SLC16A6: variants seen among roughly 807,000 people sequenced by gnomAD.
SLC16A6 encodes the protein solute carrier family 16 member 6.
In SLC16A6, 15 loss-of-function variants were observed where a neutral mutation model predicts 33.8. That is an observed-to-expected ratio of 0.44 (90% confidence interval 0.30 to 0.68). SLC16A6 has a LOEUF of 0.68. Ranked by LOEUF, SLC16A6 falls within the 30% of genes least tolerant of loss-of-function variation. The probability of loss-of-function intolerance (pLI) is 0.10; values close to 1 mark genes in which losing one functional copy is unlikely to be tolerated. For missense variants in SLC16A6, 451 were observed against 661.5 expected (o/e 0.68, Z 3.49); for synonymous variants, 219 against 248.4 (o/e 0.88, Z 1.11).
rs1555747096 is a variant in SLC16A6, at chr17:68,268,473, TG to T, written c.*622del. ...AAAATTTGTTTATTAGTAAAATGTT[TG>T]GTCTTAAACTATATTTCATTTCCAG... On this transcript the variant is annotated 3_prime_UTR_variant, in exon 6 of 6. Transcript: ENST00000580666. 2 of 152,490 alleles carry T rather than the reference TG, an allele frequency of 1.3e-5. No individual in the cohort carries two copies. The highest frequency in any genetic ancestry group is 2.9e-5 in the Non-Finnish European group (2 of 68,052). 9.4% of individuals were successfully genotyped at this position (152,490 alleles called of 1,614,324 possible).
At position 68,268,868 on chromosome 17, in the gene SLC16A6, T is replaced by C; in HGVS notation, c.*228A>G. 1.4e-6 allele frequency: 1 copy of C among 727,478 alleles called. No individual in the cohort carries two copies. Among genetic ancestry groups the C allele is most frequent in the South Asian group, 2.0e-5 (1 of 51,202 alleles). 45.1% of individuals were successfully genotyped at this position (727,478 alleles called of 1,614,324 possible). A position where few individuals can be genotyped will look rare whatever the true frequency, so the allele number is the denominator to read the frequency against. ...GCCAGATTTATATATGGAAGAGTGC[T>C]TGGTTGTTTTTTGTTTTGGCTTTAA... On this transcript the variant is annotated 3_prime_UTR_variant, in exon 6 of 6. Transcript: ENST00000580666.
intron 2 of SLC16A6, 96 bp downstream of exon 2, chr17:68,277,993 T>TG: frequency 1.3e-6 from 1 of 775,240 alleles, no homozygotes; most frequent in Non-Finnish European, 2.1e-6. Context: ...TATAAGGGAA[T>TG]GAAAGCATCA....
chr17:68,282,799 A>C (rs1483167205), intron 1 of SLC16A6, among the ~76,000 whole-genome samples: 1 of 148,322 alleles, frequency 6.7e-6, no homozygotes, highest in Non-Finnish European at 1.5e-5. Flanking sequence ...AAAAAAAAAA[A>C]AGGCCAGGTG....
chr17:68,288,735 T>C (rs2075899379), intron 1 of SLC16A6, among the ~76,000 whole-genome samples: 1 of 152,214 alleles, frequency 6.6e-6, no homozygotes, highest in Non-Finnish European at 1.5e-5. Context: ...CTAAGCCCTT[T>C]GAAGGCAAGG....
chr17:68,284,160 G>A (rs1555753747), intron 1 of SLC16A6, among the ~76,000 whole-genome samples: 1 of 151,244 alleles, frequency 6.6e-6, no homozygotes, highest in African/African-American at 2.4e-5. Flanking sequence ...TAATCCTTTG[G>A]GAGGCCAAGG....
intron 1 of SLC16A6, among the ~76,000 whole-genome samples, chr17:68,282,779 T>TAAAAGAAAAAAAAAAAAAA (rs2075734221): frequency 1.9e-5 from 1 of 53,398 alleles, no homozygotes; most frequent in African/African-American, 9.3e-5. Flanking sequence ...CCATCTCTAC[T>TAAAAGAAAAAAAAAAAAAA]AAAAAAAAAA....
In SLC16A6 at chr17:68,268,914, CT is replaced by C; in HGVS notation, c.*181del. 8 of 1,380,460 alleles carry C rather than the reference CT, an allele frequency of 5.8e-6. No homozygotes were observed. Among genetic ancestry groups the C allele is most frequent in the Non-Finnish European group, 6.8e-6 (7 of 1,032,006 alleles). The allele number at this position is 1,380,460 out of a possible 1,614,324, so 85.5% of individuals were successfully genotyped here. A position where few individuals can be genotyped will look rare whatever the true frequency, so the allele number is the denominator to read the frequency against. On this transcript the variant is annotated 3_prime_UTR_variant, in exon 6 of 6. Coordinates refer to ENST00000580666, the MANE Select transcript of SLC16A6 (RefSeq NM_004694.5). ...TTTAAAAACAAGCAAAAAAAAAAAG[CT>C]TAAAACAAAACAAAACAAAACAAAA...
At position 68,268,800 on chromosome 17, in the gene SLC16A6, C is replaced by G; in HGVS notation, c.*296G>C. On this transcript the variant is annotated 3_prime_UTR_variant, in exon 6 of 6. Coordinates refer to ENST00000580666, the MANE Select transcript of SLC16A6 (RefSeq NM_004694.5). ...ACTATTTTAATATCGGAATGTGAAC[C>G]AAAGAGTCTTTCTACATATCTCTTG... The G allele has an allele frequency of 2.8e-6, 1 of 352,484 alleles. No individual in the cohort carries two copies. The highest frequency in any genetic ancestry group is 4.5e-5 in the Admixed American group (1 of 22,140). 21.8% of individuals were successfully genotyped at this position (352,484 alleles called of 1,614,324 possible).
chr17:68,280,262 CA>C (rs1555752267), intron 1 of SLC16A6, among the ~76,000 whole-genome samples: 2 of 149,160 alleles, frequency 1.3e-5, no homozygotes, highest in Non-Finnish European at 3.0e-5. Context: ...ATACCAATGA[CA>C]TTCTTCACAG....
At chr17:68,276,936 G>A (rs2075542817) in intron 2 of SLC16A6, among the ~76,000 whole-genome samples, 1 of 152,152 alleles carries the variant, frequency 6.6e-6, no homozygotes, top group South Asian at 2.1e-4. Context: ...ATGCGATTGG[G>A]TCTGGGAGTA....
At chr17:68,276,262 G>A (rs1471311446) in intron 2 of SLC16A6, among the ~76,000 whole-genome samples, 1 of 151,384 alleles carries the variant, frequency 6.6e-6, no homozygotes, top group African/African-American at 2.4e-5. Context: ...CCCGGCTAAC[G>A]AGAAATTTCT....
At chr17:68,284,879 A>C (rs935916748) in intron 1 of SLC16A6, among the ~76,000 whole-genome samples, 8 of 152,176 alleles carry the variant, frequency 5.3e-5, no homozygotes, top group Non-Finnish European at 1.2e-4. Flanking sequence ...ATATGTCATA[A>C]ATTATATGCT....
intron 2 of SLC16A6, chr17:68,274,297 C>G (rs2075440181): frequency 5.2e-6 from 2 of 387,938 alleles, no homozygotes; most frequent in Non-Finnish European, 9.5e-6. Flanking sequence ...GAAACCCCGT[C>G]TCTACAAAAA....
rs140565826 is a variant in SLC16A6, at chr17:68,287,862, A to AG, written c.-8+3223dup. On this transcript the variant is annotated intron_variant, in intron 1 of 5. Coordinates refer to ENST00000580666, the MANE Select transcript of SLC16A6 (RefSeq NM_004694.5). The stretch of plus-strand genomic sequence containing the variant: ...TCTTTCCTTAAAAAACCGAGTCATA[A>AG]GGGGAGAAAGTGCTTGGTTGCAGAA... 3.5e-3 allele frequency among the ~76,000 whole-genome samples: 532 copies of AG among 152,238 alleles called. 4 individuals are homozygous for AG. Among genetic ancestry groups the AG allele is most frequent in the African/African-American group, 0.012 (517 of 41,538 alleles).
Position 68,273,946 on chromosome 17 carries a change from G to A in SLC16A6, c.357C>T (p.Val119=), listed in dbSNP as rs201209320. ...SFSQEVSHMY[V]AIGIISGLGY... ...ACTTACCAGAGATGATGCCGATGGC[G>A]ACGTACATATGAGAAACCTCTTGTG... The change falls in exon 3 of 6, where the codon GTC becomes GTT. Residue 119 remains valine (V), a synonymous_variant. Transcript: ENST00000580666. The A allele has an allele frequency of 7.1e-4, 1,143 of 1,614,090 alleles. 5 individuals are homozygous for A. The highest frequency in any genetic ancestry group is 3.3e-3 in the Middle Eastern group (20 of 6,062).
chr17:68,282,985 G>A (rs8081494), intron 1 of SLC16A6: 22,220 of 151,726 alleles, frequency 0.15, 1,902 homozygotes, highest in East Asian at 0.26. Context: ...AGCGGGGTGT[G>A]GTGACACATA....
At chr17:68,282,947 CAA>C (rs113598461) in intron 1 of SLC16A6, 37 of 90,676 alleles carry the variant, frequency 4.1e-4, no homozygotes, top group Non-Finnish European at 4.8e-4. Flanking sequence ...GACTCTGTCT[CAA>C]AAAAAAAAAA....
chr17:68,271,201 A>G lies in SLC16A6; in HGVS notation c.959T>C (p.Ile320Thr), dbSNP rs1599493224. The change falls in exon 5 of 6, where the codon ATT (isoleucine) becomes ACT (threonine). Residue 320 changes from isoleucine to threonine, a missense_variant. Transcript: ENST00000580666. The surrounding 1 kb of genome is among the most constrained non-coding windows in gnomAD (Gnocchi z 5.3). ...APSLYIIPLG[I>T]SLGIDQDRAA... ...GCGGTCCTGGTCAATGCCCAGACTAATGCCCAGAGGAATGATGTACAAGGA... is the reference window on the plus strand; with the variant it reads ...GCGGTCCTGGTCAATGCCCAGACTAGTGCCCAGAGGAATGATGTACAAGGA... The G allele has an allele frequency of 6.2e-7, 1 of 1,614,120 alleles. No homozygotes were observed. The highest frequency in any genetic ancestry group is 8.5e-7 in the Non-Finnish European group (1 of 1,180,038).
At chr17:68,286,642 T>C (rs1457517698) in intron 1 of SLC16A6, among the ~76,000 whole-genome samples, 4 of 152,024 alleles carry the variant, frequency 2.6e-5, no homozygotes, top group Admixed American at 1.3e-4. Context: ...GTAGCTGGGA[T>C]TACAGGCACC....
Sources: gnomAD v4.1 joint callset for allele counts (sites outside exome capture counted in the v4.1 genomes callset) on GRCh38, gnomAD v4.1.1 for gene constraint, Gnocchi (gnomAD v3.1) non-coding constraint, MANE v1.5 for transcripts, NCBI Gene and HGNC (gene_info 2026-07-23, HGNC 2026-07-21) for gene names.